GPR89B: variants seen among roughly 807,000 people sequenced by gnomAD.
GPR89B encodes the protein golgi pH regulator B.
Under a neutral mutation model 52.4 loss-of-function variants are expected in GPR89B, and 25 were observed. The observed-to-expected ratio is 0.48, with a 90% CI of 0.35 to 0.67. The LOEUF is 0.67. GPR89B is among the 30% of genes least tolerant of loss of function. GPR89B has a pLI of 0.01. For missense variants in GPR89B, 146 were observed against 450.2 expected (o/e 0.32, Z 6.11); for synonymous variants, 52 against 151.2 (o/e 0.34, Z 4.81).
intron 9 of GPR89B, 33 bp downstream of exon 9, chr1:147,968,996 A>G: frequency 6.5e-7 from 1 of 1,535,934 alleles, no homozygotes; most frequent in Non-Finnish European, 8.9e-7. Context: ...TGTGGTTTTT[A>G]CCAATATTAT....
In GPR89B at chr1:147,936,603, C is replaced by A. The variant is rs782589771; in HGVS notation, c.43-24C>A. 6.3e-6 allele frequency: 10 copies of A among 1,597,808 alleles called. No individual in the cohort carries two copies. The Admixed American group carries it at 1.5e-4, about 24-fold the overall frequency. Reference sequence around the variant, plus strand: ...TTTCTCAAAAGAAAATATGTATTGACATTCTATCTTCTTTCTCCTCCAGAT... The same window carrying A: ...TTTCTCAAAAGAAAATATGTATTGAAATTCTATCTTCTTTCTCCTCCAGAT... On this transcript the variant is annotated intron_variant, in intron 1 of 13. Transcript: ENST00000314163.
At chr1:147,959,634 A>T (rs1183433743) in intron 7 of GPR89B, among the ~76,000 whole-genome samples, 1 of 152,076 alleles carries the variant, frequency 6.6e-6, no homozygotes, top group Non-Finnish European at 1.5e-5. Context: ...AATTTTGGAA[A>T]TGAGGGAAAT....
chr1:148,006,256 T>C, the GPR89B span, among the ~76,000 whole-genome samples: 76 of 150,040 alleles, frequency 5.1e-4, no homozygotes, highest in African/African-American at 1.8e-3. Flanking sequence ...TCATACGCCC[T>C]TTCTTTGCAT....
downstream of GPR89B, among the ~76,000 whole-genome samples, chr1:147,997,690 T>G (rs1241015531): frequency 2.0e-5 from 3 of 151,812 alleles, no homozygotes; most frequent in Non-Finnish European, 2.9e-5. Flanking sequence ...TGTATCTATA[T>G]CCTACTAGAT....
intron 1 of GPR89B, among the ~76,000 whole-genome samples, chr1:147,931,314 C>T (rs1553246973): frequency 6.6e-6 from 1 of 151,848 alleles, no homozygotes; most frequent in Non-Finnish European, 1.5e-5. Flanking sequence ...TGTTAACTAA[C>T]TCATGTTTTA....
intron 3 of GPR89B, among the ~76,000 whole-genome samples, chr1:147,940,463 C>T (rs1389266871): frequency 1.3e-5 from 2 of 151,596 alleles, no homozygotes; most frequent in East Asian, 3.9e-4. Context: ...GATATAGATC[C>T]TGTGACTATA....
At chr1:147,963,504 TA>T (rs1345615582) in intron 7 of GPR89B, among the ~76,000 whole-genome samples, 4 of 150,918 alleles carry the variant, frequency 2.7e-5, no homozygotes, top group African/African-American at 7.3e-5. Flanking sequence ...AGCTTACATT[TA>T]AAAAAAATGC....
chr1:148,003,188 A>G, the GPR89B span, among the ~76,000 whole-genome samples: 1 of 152,204 alleles, frequency 6.6e-6, no homozygotes, highest in African/African-American at 2.4e-5. Flanking sequence ...CAGAGAGTGA[A>G]AAGAAAATAA....
intron 10 of GPR89B, among the ~76,000 whole-genome samples, chr1:147,970,527 CTCTCTCTATCTCTATCTCTCTCTCTCTA>C (rs1571292081): frequency 3.5e-4 from 49 of 139,744 alleles, no homozygotes; most frequent in Non-Finnish European, 3.9e-4. Flanking sequence ...CTCTCTCTCT[CTCTCTCTATCTCTATCTCTCTCTCTCTA>C]TCTCTCTCTC....
intron 1 of GPR89B, among the ~76,000 whole-genome samples, chr1:147,932,109 A>G (rs1653681961): frequency 6.6e-6 from 1 of 151,832 alleles, no homozygotes. Context: ...TTTCCACTAT[A>G]CATACCACCA....
chr1:147,933,728 C>T (rs1270020660), intron 1 of GPR89B, among the ~76,000 whole-genome samples: 1 of 151,638 alleles, frequency 6.6e-6, no homozygotes, highest in African/African-American at 2.4e-5. Flanking sequence ...TCTGTTTTCT[C>T]CTCTTCTGTC....
At chr1:147,936,964 A>G (rs1654142420) in intron 2 of GPR89B, among the ~76,000 whole-genome samples, 1 of 152,096 alleles carries the variant, frequency 6.6e-6, no homozygotes, top group Non-Finnish European at 1.5e-5. Flanking sequence ...GTAGGAGAGA[A>G]TTTAATTCAT....
At chr1:147,990,993 T>C (rs1659024716) in intron 12 of GPR89B, among the ~76,000 whole-genome samples, 1 of 151,700 alleles carries the variant, frequency 6.6e-6, no homozygotes, top group Admixed American at 6.6e-5. Flanking sequence ...AGAAAGTCAT[T>C]GGTAGCTTGA....
chr1:148,022,976 C>G, the GPR89B span, among the ~76,000 whole-genome samples: 2 of 151,716 alleles, frequency 1.3e-5, no homozygotes, highest in East Asian at 3.9e-4. Context: ...TTGTTAAAAT[C>G]TCAGTTTTTT....
chr1:147,930,244 A>C (rs1411954830), intron 1 of GPR89B, among the ~76,000 whole-genome samples: 2 of 152,186 alleles, frequency 1.3e-5, no homozygotes, highest in Non-Finnish European at 2.9e-5. Flanking sequence ...TTTGCATGGA[A>C]TGTTCTCTGT....
chr1:147,991,434 CT>C (rs1227242552), intron 12 of GPR89B, among the ~76,000 whole-genome samples: 7 of 152,094 alleles, frequency 4.6e-5, no homozygotes, highest in Non-Finnish European at 1.0e-4. Context: ...ATTGAATATC[CT>C]TTATTTCTTT....
chr1:147,968,081 A>T (rs1657160644), intron 8 of GPR89B: 3 of 356,704 alleles, frequency 8.4e-6, no homozygotes, highest in South Asian at 6.4e-5. Flanking sequence ...TATGTTTATT[A>T]CTTAAAAGTT....
the GPR89B span, among the ~76,000 whole-genome samples, chr1:148,005,749 G>A: frequency 1.1e-4 from 17 of 152,108 alleles, no homozygotes; most frequent in African/African-American, 4.1e-4. Context: ...TCTTGCTGGA[G>A]CACATATACC....
chr1:147,962,845 C>G (rs1182796527), intron 7 of GPR89B, among the ~76,000 whole-genome samples: 1 of 147,972 alleles, frequency 6.8e-6, no homozygotes, highest in Non-Finnish European at 1.5e-5. Context: ...TGCAGTGAGC[C>G]GAGATCCGCC....
Sources: gnomAD v4.1 joint callset for allele counts (sites outside exome capture counted in the v4.1 genomes callset) on GRCh38, gnomAD v4.1.1 for gene constraint, MANE v1.5 for transcripts, NCBI Gene and HGNC (gene_info 2026-07-23, HGNC 2026-07-21) for gene names.